ZBTB7C: variants seen among roughly 807,000 people sequenced by gnomAD.
The protein encoded by ZBTB7C is zinc finger and BTB domain-containing protein 7C.
Under a neutral mutation model 25.7 loss-of-function variants are expected in ZBTB7C, and 8 were observed. That is an observed-to-expected ratio of 0.31 (90% CI 0.18 to 0.56). The LOEUF (loss-of-function observed/expected upper bound fraction) is 0.56, where lower values mean the gene tolerates loss of function less well. Among genes scored for constraint, ZBTB7C ranks in the 20% least tolerant of loss-of-function variants. The probability of loss-of-function intolerance (pLI) is 0.91; values close to 1 mark genes in which losing one functional copy is unlikely to be tolerated. For synonymous variants in ZBTB7C, 394 were observed against 369.0 expected (o/e 1.07, Z -0.78); for missense variants, 824 against 855.2 (o/e 0.96, Z 0.46).
chr18:48,313,952 T>C (rs534939805), intron 2 of ZBTB7C, among the ~76,000 whole-genome samples: 1 of 152,184 alleles, frequency 6.6e-6, no homozygotes, highest in African/African-American at 2.4e-5. Flanking sequence ...TGTTTAAGAG[T>C]CTGGGACCAC....
intron 2 of ZBTB7C, among the ~76,000 whole-genome samples, chr18:48,285,331 A>G (rs1164781292): frequency 6.6e-6 from 1 of 152,224 alleles, no homozygotes; most frequent in Non-Finnish European, 1.5e-5. Context: ...TAGGCACATA[A>G]AGATTCATGA....
chr18:48,206,723 T>C (rs1267388189), intron 2 of ZBTB7C, among the ~76,000 whole-genome samples: 1 of 152,164 alleles, frequency 6.6e-6, no homozygotes, highest in African/African-American at 2.4e-5. Flanking sequence ...GAAGGGATCA[T>C]AGACCTAAAC....
chr18:48,217,528 C>A (rs545385176), intron 2 of ZBTB7C, among the ~76,000 whole-genome samples: 2 of 152,296 alleles, frequency 1.3e-5, no homozygotes, highest in Admixed American at 6.5e-5. Context: ...CTACACACCC[C>A]TAGCCAGCCA....
chr18:48,036,684 T>C (rs921526451), intron 4 of ZBTB7C, among the ~76,000 whole-genome samples: 2 of 152,124 alleles, frequency 1.3e-5, no homozygotes, highest in Non-Finnish European at 2.9e-5. Flanking sequence ...CAGGGCCCAG[T>C]CTCAGGAAGT....
intron 2 of ZBTB7C, among the ~76,000 whole-genome samples, chr18:48,325,023 G>A (rs2046185956): frequency 6.6e-6 from 1 of 152,218 alleles, no homozygotes; most frequent in African/African-American, 2.4e-5. Flanking sequence ...TCCCAGGGCT[G>A]TGGGGACTAT....
intron 3 of ZBTB7C, among the ~76,000 whole-genome samples, chr18:48,045,146 A>C (rs56147353): frequency 0.22 from 32,987 of 152,222 alleles, 3,797 homozygotes; most frequent in South Asian, 0.28. Flanking sequence ...TTTGGGTGGC[A>C]CTGCCCTCCA....
intron 3 of ZBTB7C, among the ~76,000 whole-genome samples, chr18:48,074,190 T>C (rs1176415557): frequency 6.6e-6 from 1 of 152,008 alleles, no homozygotes; most frequent in Non-Finnish European, 1.5e-5. Context: ...ATTTTTCCAT[T>C]TTTAGTAGAG....
chr18:48,132,963 T>C (rs1003821891), intron 3 of ZBTB7C, among the ~76,000 whole-genome samples: 4 of 152,220 alleles, frequency 2.6e-5, no homozygotes, highest in African/African-American at 9.6e-5. Context: ...TTGCATCTGG[T>C]TTGCATCTAA....
intron 3 of ZBTB7C, among the ~76,000 whole-genome samples, chr18:48,060,105 A>G (rs2144316475): frequency 6.6e-6 from 1 of 152,184 alleles, no homozygotes; most frequent in South Asian, 2.1e-4. Context: ...TACAATTATA[A>G]TGTAGCCCAT....
intron 1 of ZBTB7C, among the ~76,000 whole-genome samples, chr18:48,358,005 G>A (rs1227692834): frequency 6.6e-6 from 1 of 152,112 alleles, no homozygotes; most frequent in Non-Finnish European, 1.5e-5. Flanking sequence ...CCATCCCCTT[G>A]GTGATAAGTG....
chr18:48,191,493 G>A (rs772436046), intron 2 of ZBTB7C, among the ~76,000 whole-genome samples: 11 of 152,236 alleles, frequency 7.2e-5, no homozygotes, highest in Non-Finnish European at 1.6e-4. Flanking sequence ...CCTCAGCTGG[G>A]GCCAGCAAGG....
At chr18:48,315,560 C>T (rs1296633341) in intron 2 of ZBTB7C, among the ~76,000 whole-genome samples, 1 of 152,188 alleles carries the variant, frequency 6.6e-6, no homozygotes, top group African/African-American at 2.4e-5. Flanking sequence ...CCAAGAAACA[C>T]CTCCCACATT....
At chr18:48,274,160 A>T (rs1296976405) in intron 2 of ZBTB7C, among the ~76,000 whole-genome samples, 1 of 152,218 alleles carries the variant, frequency 6.6e-6, no homozygotes, top group East Asian at 1.9e-4. Flanking sequence ...TGGGCCAAGC[A>T]CTAGTCTTTT....
intron 3 of ZBTB7C, among the ~76,000 whole-genome samples, chr18:48,168,529 C>T (rs1387932473): frequency 6.6e-6 from 1 of 152,190 alleles, no homozygotes; most frequent in Non-Finnish European, 1.5e-5. Context: ...TAAGGAAGAA[C>T]ATGAAATATA....
rs534574828 is a variant in ZBTB7C at position 48,194,973 on chromosome 18, A to G, written c.-78-8978T>C. Among the ~76,000 whole-genome samples, 3 of 152,020 alleles carry G rather than the reference A, an allele frequency of 2.0e-5. No homozygotes were observed. In the South Asian group the frequency reaches 6.2e-4, roughly 32 times the overall value. On this transcript the variant is annotated intron_variant, in intron 2 of 4. Coordinates refer to ENST00000590800, the MANE Select transcript of ZBTB7C (RefSeq NM_001318841.2). ...CTCCCAATTTTGCCAGCTCTGGGAA[A>G]CTCAGCCAACTAAGCATCTGTGGCC...
intron 2 of ZBTB7C, among the ~76,000 whole-genome samples, chr18:48,286,921 G>A (rs1004172445): frequency 2.0e-4 from 30 of 152,084 alleles, no homozygotes; most frequent in African/African-American, 6.7e-4. Flanking sequence ...GCATGGTGGC[G>A]CACACCTGTA....
At chr18:48,328,246 A>G (rs1425922729) in intron 2 of ZBTB7C, among the ~76,000 whole-genome samples, 1 of 151,622 alleles carries the variant, frequency 6.6e-6, no homozygotes, top group African/African-American at 2.4e-5. Context: ...ATTTAGTTTG[A>G]TCCCATTTTT....
chr18:48,211,273 G>A (rs1410672122), intron 2 of ZBTB7C, among the ~76,000 whole-genome samples: 2 of 152,110 alleles, frequency 1.3e-5, no homozygotes, highest in East Asian at 3.9e-4. Context: ...AGATGACCTT[G>A]TGTATGATGG....
intron 4 of ZBTB7C, among the ~76,000 whole-genome samples, chr18:48,035,872 C>T (rs1357377197): frequency 1.3e-5 from 2 of 152,252 alleles, no homozygotes; most frequent in Non-Finnish European, 2.9e-5. Flanking sequence ...TTGGTCCAGA[C>T]TGCCTCTGCC....
Sources: allele counts gnomAD v4.1 joint callset (sites outside exome capture counted in the v4.1 genomes callset), GRCh38; gene constraint gnomAD v4.1.1; transcripts MANE v1.5; gene names NCBI Gene and HGNC (gene_info 2026-07-23, HGNC 2026-07-21).